CSPP1: variants seen among roughly 807,000 people sequenced by gnomAD.
The protein encoded by CSPP1 is centrosome and spindle pole-associated protein 1.
Under a neutral mutation model 164.4 loss-of-function variants are expected in CSPP1, and 126 were observed. The observed-to-expected ratio is 0.77, with a 90% confidence interval of 0.66 to 0.89. The LOEUF is 0.89. Among genes scored for constraint, CSPP1 ranks in the 40% least tolerant of loss-of-function variants. The probability of loss-of-function intolerance (pLI) is 0.00; values close to 1 mark genes in which losing one functional copy is unlikely to be tolerated. For synonymous variants in CSPP1, 472 were observed against 476.7 expected (o/e 0.99, Z 0.13); for missense variants, 1,395 against 1,449.8 (o/e 0.96, Z 0.61).
chr8:67,115,810 G>A (rs1817820533), intron 12 of CSPP1, 104 bp from the exon 13 acceptor site: 1 of 706,588 alleles, frequency 1.4e-6, no homozygotes, highest in Non-Finnish European at 2.4e-6. Flanking sequence ...CTGTTATTCT[G>A]TGACTGTCTT....
chr8:67,151,716 T>TA lies in CSPP1; in HGVS notation c.2128+1791dup, dbSNP rs879890665. Reference sequence around the variant, plus strand: ...AAGATGTTCTGTTTTAAGAATTGAGTAAAAAAAAAACCATAAAATGTTTAA... The same window carrying TA: ...AAGATGTTCTGTTTTAAGAATTGAGTAAAAAAAAAAACCATAAAATGTTTAA... On this transcript the variant is annotated intron_variant, in intron 18 of 30. Transcript: ENST00000678616. Among the ~76,000 whole-genome samples, 101 of 148,458 alleles carry TA rather than the reference T, an allele frequency of 6.8e-4. 1 individual carries two copies. Among genetic ancestry groups the TA allele is most frequent in the South Asian group, 4.5e-3 (21 of 4,686 alleles).
At chr8:67,099,211 A>G (rs1206653399) in intron 7 of CSPP1, 2 of 152,000 alleles carry the variant, frequency 1.3e-5, no homozygotes, top group Non-Finnish European at 2.9e-5. Flanking sequence ...TTTCAAAGTT[A>G]TGAGTTCTGT....
At chr8:67,128,616 C>CT (rs1820593485) in intron 15 of CSPP1, among the ~76,000 whole-genome samples, 1 of 151,572 alleles carries the variant, frequency 6.6e-6, no homozygotes, top group Non-Finnish European at 1.5e-5. Flanking sequence ...AAGGAATACT[C>CT]TCCGGTTACT....
intron 14 of CSPP1, 71 bp downstream of exon 14, chr8:67,118,440 C>A: frequency 1.4e-6 from 2 of 1,455,358 alleles, no homozygotes; most frequent in Non-Finnish European, 1.9e-6. Flanking sequence ...TTTGTGTAAA[C>A]AAAAAATATC....
intron 1 of CSPP1, among the ~76,000 whole-genome samples, chr8:67,072,562 G>A (rs1420790539): frequency 6.6e-6 from 1 of 152,056 alleles, no homozygotes; most frequent in African/African-American, 2.4e-5. Flanking sequence ...TGGGCTTGGT[G>A]GCTCATGCCT....
At chr8:67,153,355 C>T (rs960390290) in intron 18 of CSPP1, among the ~76,000 whole-genome samples, 2 of 151,910 alleles carry the variant, frequency 1.3e-5, no homozygotes, top group Admixed American at 6.6e-5. Flanking sequence ...AATTGTTTTT[C>T]GAATTGCTTT....
chr8:67,094,273 T>C (rs867504149), intron 6 of CSPP1, among the ~76,000 whole-genome samples: 32 of 140,016 alleles, frequency 2.3e-4, no homozygotes, highest in Non-Finnish European at 2.8e-4. Context: ...TATCCTCTCT[T>C]TTTTTTTTTT....
chr8:67,168,600 TATC>T (rs992296872), intron 24 of CSPP1, among the ~76,000 whole-genome samples: 5 of 152,222 alleles, frequency 3.3e-5, no homozygotes, highest in African/African-American at 9.6e-5. Context: ...ATGTTACATT[TATC>T]ATCATTTAGC....
At position 67,195,578 on chromosome 8, in the gene CSPP1, G is replaced by T; in HGVS notation, c.3666G>T (p.Ser1222=). 1.2e-6 allele frequency: 2 copies of T among 1,613,996 alleles called. No homozygotes were observed. Among genetic ancestry groups the T allele is most frequent in the South Asian group, 2.2e-5 (2 of 91,050 alleles). Residue 1222 remains serine (S), a synonymous_variant, in exon 31 of 31, where the codon TCG becomes TCT. Coordinates refer to ENST00000678616, the MANE Select transcript of CSPP1 (RefSeq NM_001382391.1). ...GCACTTTCACTTGGCAGGGCCTGTC[G>T]ACTGCACATGGTTAAAATAAACCTG... ...KPGTFTWQGL[S]TAHG is the part of the protein sequence containing the mutation.
intron 8 of CSPP1, among the ~76,000 whole-genome samples, chr8:67,104,226 AT>A (rs973670773): frequency 4.8e-5 from 7 of 144,554 alleles, no homozygotes; most frequent in Non-Finnish European, 7.6e-5. Context: ...TCCTTTGAGG[AT>A]TTTTTTCCCC....
chr8:67,065,462 A>G (rs1805348834), intron 1 of CSPP1: 1 of 849,774 alleles, frequency 1.2e-6, no homozygotes, highest in Non-Finnish European at 1.4e-6. Flanking sequence ...AGGAATTTAT[A>G]AAAAGCCTAA....
At chr8:67,082,039 CTAGTTG>C (rs1282868032) in intron 3 of CSPP1, among the ~76,000 whole-genome samples, 1 of 152,130 alleles carries the variant, frequency 6.6e-6, no homozygotes, top group Non-Finnish European at 1.5e-5. Flanking sequence ...CTGCATCTGT[CTAGTTG>C]TAGTTTTAAT....
intron 1 of CSPP1, 46 bp downstream of exon 1, chr8:67,064,584 T>G (rs1211325179): frequency 6.7e-7 from 1 of 1,495,338 alleles, no homozygotes; most frequent in Admixed American, 2.2e-5. Flanking sequence ...GTCCTGGGGC[T>G]GCATTCGCTG....
At chr8:67,120,459 A>T (rs562433610) in intron 15 of CSPP1, among the ~76,000 whole-genome samples, 1 of 152,206 alleles carries the variant, frequency 6.6e-6, no homozygotes, top group Non-Finnish European at 1.5e-5. Flanking sequence ...TAGTTTTGAC[A>T]TTTTAACAGT....
At chr8:67,101,285 C>G (rs977548074) in intron 7 of CSPP1, among the ~76,000 whole-genome samples, 11 of 152,144 alleles carry the variant, frequency 7.2e-5, no homozygotes, top group Admixed American at 3.9e-4. Context: ...TTTGTGTAAA[C>G]AGTTTAAGCA....
At chr8:67,092,417 T>C (rs1032877709) in intron 5 of CSPP1, among the ~76,000 whole-genome samples, 3 of 152,174 alleles carry the variant, frequency 2.0e-5, no homozygotes, top group Admixed American at 6.5e-5. Flanking sequence ...AATGGACAGT[T>C]AATAAATTTC....
intron 22 of CSPP1, among the ~76,000 whole-genome samples, chr8:67,162,841 A>G (rs1038045226): frequency 3.3e-5 from 5 of 152,146 alleles, no homozygotes; most frequent in Non-Finnish European, 7.3e-5. Context: ...GTCTATGATA[A>G]CTTTCAAGTT....
At chr8:67,166,662 G>T (rs1829361678) in intron 24 of CSPP1, among the ~76,000 whole-genome samples, 1 of 150,914 alleles carries the variant, frequency 6.6e-6, no homozygotes, top group Non-Finnish European at 1.5e-5. Flanking sequence ...CTTTTACAGT[G>T]TTATAAATGC....
intron 13 of CSPP1, 111 bp downstream of exon 13, chr8:67,116,233 T>C: frequency 1.4e-6 from 1 of 731,310 alleles, no homozygotes; most frequent in East Asian, 2.5e-5. Flanking sequence ...TTTTGTACAG[T>C]TAACAGTTTT....
Sources: allele counts gnomAD v4.1 joint callset (sites outside exome capture counted in the v4.1 genomes callset), GRCh38; gene constraint gnomAD v4.1.1; transcripts MANE v1.5; gene names NCBI Gene and HGNC (gene_info 2026-07-23, HGNC 2026-07-21).